Variants in FHIT observed in about 807,000 individuals in gnomAD.
FHIT encodes the protein fragile histidine triad diadenosine triphosphatase, also known as bis(5'-adenosyl)-triphosphatase.
A neutral mutation model predicts 17.9 loss-of-function variants in FHIT; 19 were observed. The ratio of observed to expected loss-of-function variants is 1.06; its 90% confidence interval spans 0.74 to 1.56. FHIT has a LOEUF of 1.56. Among genes scored for constraint, FHIT ranks in the 40% most tolerant of loss-of-function variants. The pLI is 0.00. For missense variants in FHIT, 248 were observed against 189.2 expected, an observed-to-expected ratio of 1.31 and a Z score of -1.82; for synonymous variants, 81 against 69.7, an observed-to-expected ratio of 1.16 and a Z score of -0.81.
At chr3:59,942,659 A>G (rs549427054) in intron 7 of FHIT, among the ~76,000 whole-genome samples, 1 of 151,576 alleles carries the variant, frequency 6.6e-6, no homozygotes, top group East Asian at 1.9e-4. Flanking sequence ...TTCTTTTTTT[A>G]TTTTTTAGAG....
intron 2 of FHIT, among the ~76,000 whole-genome samples, chr3:61,097,026 C>T (rs1322540437): frequency 7.1e-6 from 1 of 140,012 alleles, no homozygotes; most frequent in Non-Finnish European, 1.5e-5. Flanking sequence ...CTGCTGTGAA[C>T]TGAGATTGCA....
At chr3:60,575,171 A>G (rs1351266805) in intron 4 of FHIT, among the ~76,000 whole-genome samples, 2 of 152,014 alleles carry the variant, frequency 1.3e-5, no homozygotes, top group Non-Finnish European at 2.9e-5. Flanking sequence ...GGAAAAAGAA[A>G]GCGACTGTTG....
chr3:60,832,387 A>T (rs1702363452), intron 3 of FHIT, among the ~76,000 whole-genome samples: 1 of 152,158 alleles, frequency 6.6e-6, no homozygotes, highest in African/African-American at 2.4e-5. Flanking sequence ...AACCCAAAAC[A>T]TATTGGAGGC....
chr3:60,205,174 C>T (rs922018883), intron 5 of FHIT, among the ~76,000 whole-genome samples: 17 of 151,868 alleles, frequency 1.1e-4, no homozygotes, highest in Admixed American at 9.2e-4. Flanking sequence ...ATCCCACCAG[C>T]AGAAAATGTT....
intron 7 of FHIT, among the ~76,000 whole-genome samples, chr3:59,944,862 C>CT (rs998315521): frequency 2.0e-5 from 3 of 152,132 alleles, no homozygotes; most frequent in Admixed American, 2.0e-4. Context: ...TGATCTCATT[C>CT]TTTTTTGTGG....
chr3:60,451,720 A>C (rs1007580003), intron 5 of FHIT, among the ~76,000 whole-genome samples: 4 of 152,204 alleles, frequency 2.6e-5, no homozygotes, highest in African/African-American at 9.6e-5. Context: ...AAAAAACATT[A>C]AGCAAGTAAA....
At chr3:60,753,446 T>C (rs1269751491) in intron 4 of FHIT, among the ~76,000 whole-genome samples, 1 of 152,174 alleles carries the variant, frequency 6.6e-6, no homozygotes, top group Non-Finnish European at 1.5e-5. Flanking sequence ...CTCATTTGGA[T>C]GTTAATTTAT....
At chr3:60,342,769 A>T (rs776863802) in intron 5 of FHIT, among the ~76,000 whole-genome samples, 4 of 152,204 alleles carry the variant, frequency 2.6e-5, no homozygotes, top group Non-Finnish European at 5.9e-5. Context: ...AAAGTTGAGA[A>T]TTATAAAGAG....
chr3:61,250,000 C>T (rs1490560829), intron 1 of FHIT, among the ~76,000 whole-genome samples: 3 of 144,100 alleles, frequency 2.1e-5, no homozygotes, highest in Non-Finnish European at 3.0e-5. Context: ...AAACCCTAGA[C>T]TTCTTTCTTT....
At chr3:61,044,061 T>C (rs2033661404) in intron 2 of FHIT, among the ~76,000 whole-genome samples, 1 of 152,090 alleles carries the variant, frequency 6.6e-6, no homozygotes, top group Non-Finnish European at 1.5e-5. Flanking sequence ...ATTCTAAAAA[T>C]CAGAGCGCCT....
chr3:61,123,027 C>A (rs1269870225), intron 2 of FHIT, among the ~76,000 whole-genome samples: 2 of 149,520 alleles, frequency 1.3e-5, no homozygotes, highest in African/African-American at 5.0e-5. Flanking sequence ...GATTATAAAT[C>A]ATTCTACTAT....
chr3:60,428,138 C>A (rs1011103757), intron 5 of FHIT, among the ~76,000 whole-genome samples: 7 of 152,142 alleles, frequency 4.6e-5, no homozygotes, highest in African/African-American at 1.7e-4. Context: ...ATTGGCACAA[C>A]CCCAAGAGGG....
At chr3:61,053,974 C>T (rs1246102917) in intron 2 of FHIT, among the ~76,000 whole-genome samples, 2 of 152,176 alleles carry the variant, frequency 1.3e-5, no homozygotes, top group Non-Finnish European at 2.9e-5. Flanking sequence ...TAAGCAAGCG[C>T]TGGGAAAGGA....
chr3:61,091,101 A>G (rs954750160), intron 2 of FHIT, among the ~76,000 whole-genome samples: 1 of 152,204 alleles, frequency 6.6e-6, no homozygotes, highest in African/African-American at 2.4e-5. Flanking sequence ...TAATTATTCT[A>G]ATTTACCACA....
chr3:59,800,540 C>G (rs754729438), intron 8 of FHIT, among the ~76,000 whole-genome samples: 3 of 152,210 alleles, frequency 2.0e-5, no homozygotes, highest in Non-Finnish European at 4.4e-5. Flanking sequence ...GACACATTTT[C>G]AAAATGAGTT....
intron 3 of FHIT, among the ~76,000 whole-genome samples, chr3:60,893,234 A>G (rs1373284962): frequency 1.3e-5 from 2 of 152,176 alleles, no homozygotes; most frequent in Non-Finnish European, 2.9e-5. Context: ...CCCCTAGTTT[A>G]CTACACTTAG....
intron 7 of FHIT, among the ~76,000 whole-genome samples, chr3:59,978,799 TG>T (rs1271071561): frequency 6.6e-6 from 1 of 151,536 alleles, no homozygotes; most frequent in Non-Finnish European, 1.5e-5. Flanking sequence ...ATCTAAGAAA[TG>T]GGATCTGGGA....
chr3:59,791,129 T>C (rs998437383), intron 8 of FHIT, among the ~76,000 whole-genome samples: 5 of 152,200 alleles, frequency 3.3e-5, no homozygotes, highest in Non-Finnish European at 7.3e-5. Context: ...ATGTGGGTAA[T>C]TATCCTGTTC....
At chr3:59,789,902 A>G (rs2605442) in intron 8 of FHIT, among the ~76,000 whole-genome samples, 16,033 of 152,270 alleles carry the variant, frequency 0.11, 1,089 homozygotes, top group Non-Finnish European at 0.16. Context: ...CATTGAATAA[A>G]GAATCGAAGC....
Sources: gnomAD v4.1 joint callset for allele counts (sites outside exome capture counted in the v4.1 genomes callset) on GRCh38, gnomAD v4.1.1 for gene constraint, MANE v1.5 for transcripts, NCBI Gene and HGNC (gene_info 2026-07-23, HGNC 2026-07-21) for gene names.